RIMBP2: variants seen among roughly 807,000 people sequenced by gnomAD.
RIMBP2 encodes RIMS binding protein 2.
In RIMBP2, 48 loss-of-function variants were observed where a neutral mutation model predicts 118.6. The observed-to-expected ratio is 0.40, with a 90% CI of 0.32 to 0.51. RIMBP2 has a LOEUF of 0.51. Ranked by LOEUF, RIMBP2 falls within the 20% of genes least tolerant of loss-of-function variation. The pLI, the probability that RIMBP2 is intolerant of heterozygous loss-of-function variation, is 0.41. For synonymous variants in RIMBP2, 762 were observed against 742.9 expected (o/e 1.03, Z -0.42); for missense variants, 1,551 against 1,768.3 (o/e 0.88, Z 2.20).
intron 1 of RIMBP2, among the ~76,000 whole-genome samples, chr12:130,647,394 A>G (rs138342103): frequency 8.8e-6 from 1 of 113,438 alleles, no homozygotes; most frequent in South Asian, 2.3e-4. Flanking sequence ...AGGTAATAGC[A>G]GCTTAAAACA....
intron 1 of RIMBP2, among the ~76,000 whole-genome samples, chr12:130,650,632 T>G (rs944868810): frequency 1.3e-5 from 2 of 152,118 alleles, no homozygotes; most frequent in African/African-American, 4.8e-5. Flanking sequence ...CTTCTGAAAA[T>G]TGTGCTTTCA....
intron 2 of RIMBP2, among the ~76,000 whole-genome samples, chr12:130,572,321 A>G (rs2057736598): frequency 6.6e-6 from 1 of 151,618 alleles, no homozygotes; most frequent in South Asian, 2.1e-4. Flanking sequence ...CTGAGTCCCA[A>G]ATGCACTCAC....
chr12:130,559,490 G>A (rs754745112), intron 2 of RIMBP2, among the ~76,000 whole-genome samples: 2 of 152,160 alleles, frequency 1.3e-5, no homozygotes, highest in Non-Finnish European at 2.9e-5. Flanking sequence ...GCAGATGACA[G>A]GCTTTCCTTC....
At chr12:130,547,318 C>A (rs776912119) in intron 2 of RIMBP2, among the ~76,000 whole-genome samples, 6 of 152,164 alleles carry the variant, frequency 3.9e-5, no homozygotes, top group Non-Finnish European at 8.8e-5. Context: ...TTTCCTGTCC[C>A]AAATAATGGG....
chr12:130,486,831 C>T (rs569230213), intron 4 of RIMBP2, among the ~76,000 whole-genome samples: 11 of 152,262 alleles, frequency 7.2e-5, no homozygotes, highest in East Asian at 5.8e-4. Flanking sequence ...TGGTAGACTA[C>T]GGCAGAAGAG....
At chr12:130,493,511 C>G (rs2048841617) in intron 4 of RIMBP2, among the ~76,000 whole-genome samples, 1 of 151,998 alleles carries the variant, frequency 6.6e-6, no homozygotes, top group African/African-American at 2.4e-5. Flanking sequence ...GACGGGGTTT[C>G]AGCATGTTGG....
intron 4 of RIMBP2, among the ~76,000 whole-genome samples, chr12:130,479,683 AC>A (rs1478243734): frequency 6.6e-6 from 1 of 151,896 alleles, no homozygotes; most frequent in Non-Finnish European, 1.5e-5. Flanking sequence ...ACTCCAGTGA[AC>A]CAGCGCACTC....
chr12:130,406,297 T>A (rs2075168751), intron 20 of RIMBP2, 54 bp from the exon 21 acceptor site: 1 of 1,229,032 alleles, frequency 8.1e-7, no homozygotes, highest in African/African-American at 1.5e-5. Context: ...CAGTAGTAGT[T>A]TTTTAAAAAT....
intron 1 of RIMBP2, among the ~76,000 whole-genome samples, chr12:130,639,832 C>T (rs909398793): frequency 1.3e-5 from 2 of 152,128 alleles, no homozygotes; most frequent in African/African-American, 4.8e-5. Context: ...AAATTGAAAG[C>T]CGAGATGAAA....
At chr12:130,624,371 T>C (rs1435027743) in intron 2 of RIMBP2, among the ~76,000 whole-genome samples, 1 of 152,244 alleles carries the variant, frequency 6.6e-6, no homozygotes, top group Non-Finnish European at 1.5e-5. Flanking sequence ...AAATTAAAAG[T>C]TGCAGAACAG....
In RIMBP2 at chr12:130,620,351, TC is replaced by T. The variant is rs1481368784; in HGVS notation, c.-217+7970del. ...CTGCAGCTCTCCTCCTCCCTGAGGC[TC>T]CCAATCCCTGATGCTTCGCTGGCCC... On this transcript the variant is annotated intron_variant, in intron 2 of 22. Transcript: ENST00000690449. The surrounding 1 kb of genome is among the most constrained non-coding windows in gnomAD (Gnocchi z 5.3). Among the ~76,000 whole-genome samples the T allele has an allele frequency of 6.6e-6, 1 of 152,150 alleles. No homozygotes were observed. The highest frequency in any genetic ancestry group is 6.5e-5 in the Admixed American group (1 of 15,270).
rs1006390403 is a variant in RIMBP2 at position 130,420,999 on chromosome 12, T to C, written c.3238+1454A>G. 18 of 152,244 alleles carry C rather than the reference T, an allele frequency of 1.2e-4. No individual in the cohort carries two copies. Among genetic ancestry groups the C allele is most frequent in the African/African-American group, 4.3e-4 (18 of 41,538 alleles). The allele number at this position is 152,244 out of a possible 1,614,324, so 9.4% of individuals were successfully genotyped here. On this transcript the variant is annotated intron_variant, in intron 17 of 22. Coordinates refer to ENST00000690449, the MANE Select transcript of RIMBP2 (RefSeq NM_001393629.1). The surrounding 1 kb of genome is among the most constrained non-coding windows in gnomAD (Gnocchi z 4.3). ...TGCTTGCAGTCTTCACTCATTAAAG[T>C]TACAGTCAAATGAAGACTCGAAATC...
At position 130,451,082 on chromosome 12, in the gene RIMBP2, G is replaced by A; in HGVS notation, c.504+113C>T. 5 of 1,264,264 alleles carry A rather than the reference G, an allele frequency of 4.0e-6. No homozygotes were observed. The South Asian group carries it at 6.8e-5, about 17-fold the overall frequency. 78.3% of individuals were successfully genotyped at this position (1,264,264 alleles called of 1,614,324 possible). On this transcript the variant is annotated intron_variant, in intron 8 of 22. Coordinates refer to ENST00000690449, the MANE Select transcript of RIMBP2 (RefSeq NM_001393629.1). ...CAGGGGCAAAGGGAAGAACCAACCA[G>A]AAGGAAGACAGGGAGGAAGATGGGG...
At chr12:130,640,989 T>C (rs932454307) in intron 1 of RIMBP2, among the ~76,000 whole-genome samples, 4 of 152,224 alleles carry the variant, frequency 2.6e-5, no homozygotes, top group African/African-American at 9.6e-5. Context: ...GACATGGCCC[T>C]ATTAAAGCTA....
chr12:130,454,032 C>T (rs375273860), intron 7 of RIMBP2, among the ~76,000 whole-genome samples: 83 of 152,144 alleles, frequency 5.5e-4, no homozygotes, highest in East Asian at 5.4e-3. Flanking sequence ...CCAGCCTGGG[C>T]GACAGAGCGA....
intron 21 of RIMBP2, among the ~76,000 whole-genome samples, chr12:130,404,216 A>T (rs554868849): frequency 1.3e-5 from 2 of 152,232 alleles, no homozygotes; most frequent in Admixed American, 6.5e-5. Context: ...ACACACACAC[A>T]CTTTTCCAAC....
At chr12:130,671,896 G>T (rs1594180662) in intron 1 of RIMBP2, among the ~76,000 whole-genome samples, 1 of 152,126 alleles carries the variant, frequency 6.6e-6, no homozygotes, top group East Asian at 1.9e-4. Flanking sequence ...AGAAAGTCAG[G>T]CACCAAAAAC....
chr12:130,442,566 G>T lies in RIMBP2; in HGVS notation c.786C>A (p.Asn262Lys). The T allele has an allele frequency of 6.2e-7, 1 of 1,614,164 alleles. No individual in the cohort carries two copies. Among genetic ancestry groups the T allele is most frequent in the African/African-American group, 1.3e-5 (1 of 75,032 alleles). Residue 262 changes from asparagine (N) to lysine (K), a missense_variant, in exon 11 of 23, where the codon AAC (asparagine) becomes AAA (lysine). Asn to Lys is a moderately conservative substitution (Grantham distance 94). Transcript: ENST00000690449. The surrounding 1 kb of genome is among the most constrained non-coding windows in gnomAD (Gnocchi z 6.9). The part of the protein sequence containing the change: ...NESRLASTLG[N>K]EQDQNFINHS... Reference sequence around the variant, plus strand: ...GGTTGATGAAGTTCTGATCCTGCTCGTTCCCCAGCGTGCTTGCCAACCGCG... The same window carrying T: ...GGTTGATGAAGTTCTGATCCTGCTCTTTCCCCAGCGTGCTTGCCAACCGCG...
chr12:130,711,001 G>T (rs1949879242), intron 1 of RIMBP2, among the ~76,000 whole-genome samples: 1 of 152,234 alleles, frequency 6.6e-6, no homozygotes, highest in South Asian at 2.1e-4. Context: ...CTAGCATTTT[G>T]GGAGGCCAAG....
Sources: gnomAD v4.1 joint callset for allele counts (sites outside exome capture counted in the v4.1 genomes callset) on GRCh38, gnomAD v4.1.1 for gene constraint, Gnocchi (gnomAD v3.1) non-coding constraint, MANE v1.5 for transcripts, NCBI Gene and HGNC (gene_info 2026-07-23, HGNC 2026-07-21) for gene names.